Variants in PGS1 observed in about 807,000 individuals in gnomAD.
PGS1 encodes the protein phosphatidylglycerophosphate synthase 1, also known as CDP-diacylglycerol--glycerol-3-phosphate 3-phosphatidyltransferase, mitochondrial.
Under a neutral mutation model 58.3 loss-of-function variants are expected in PGS1, and 44 were observed. That is an observed-to-expected ratio of 0.75 (90% CI 0.59 to 0.97). The LOEUF is 0.97. Ranked by LOEUF, PGS1 falls within the 50% of genes least tolerant of loss-of-function variation. PGS1 has a pLI of 0.00. For missense variants in PGS1, 684 were observed against 731.1 expected (o/e 0.94, Z 0.74); for synonymous variants, 330 against 311.0 (o/e 1.06, Z -0.64).
At chr17:78,407,677 A>T (rs539371746) in intron 7 of PGS1, among the ~76,000 whole-genome samples, 1 of 152,258 alleles carries the variant, frequency 6.6e-6, no homozygotes, top group Non-Finnish European at 1.5e-5. Flanking sequence ...GGGCAGAGAC[A>T]GGTAGCCAGG....
At chr17:78,405,071 C>T (rs923894984) in intron 7 of PGS1, among the ~76,000 whole-genome samples, 2 of 152,062 alleles carry the variant, frequency 1.3e-5, no homozygotes, top group African/African-American at 4.8e-5. Flanking sequence ...GATCTCAGCT[C>T]ACTGCTACCT....
intron 9 of PGS1, chr17:78,423,797 G>A (rs1268695363): frequency 7.1e-7 from 1 of 1,409,356 alleles, no homozygotes; most frequent in African/African-American, 1.4e-5. Context: ...TTATTTAAGA[G>A]AACGAAAAAC....
In PGS1 at chr17:78,378,676, C is replaced by A. The variant is rs762920883; in HGVS notation, c.11C>A (p.Ala4Glu). The A allele has an allele frequency of 7.8e-6, 12 of 1,532,982 alleles. No homozygotes were observed. In the East Asian group the frequency reaches 3.1e-4, roughly 40 times the overall value. The allele number at this position is 1,532,982 out of a possible 1,614,324, so 95.0% of individuals were successfully genotyped here. A position where few individuals can be genotyped will look rare whatever the true frequency, so the allele number is the denominator to read the frequency against. ...AAGCGGCGAGTCTCCATGGCGGTGG[C>A]GGCGGCAGCTGCGGCGGGACCCGTG... MAV[A>E]AAAAAGPVFW... Residue 4 changes from alanine to glutamate, a missense_variant, in exon 1 of 10, where the codon GCG becomes GAG. By Grantham distance (107) the Ala-to-Glu change is moderately radical (BLOSUM62 -1). Transcript: ENST00000262764.
At position 78,393,720 on chromosome 17, in the gene PGS1, C is replaced by T. The variant is rs1408709977; in HGVS notation, c.333+1055C>T. On this transcript the variant is annotated intron_variant, in intron 2 of 9. Coordinates refer to ENST00000262764, the MANE Select transcript of PGS1 (RefSeq NM_024419.5). ...TGTCTTAAGTGTGTGCCTTTCCTCT[C>T]CTGGTAGTGATGTAAGTTTTGCATT... Among the ~76,000 whole-genome samples the T allele has an allele frequency of 2.0e-5, 3 of 152,114 alleles. No individual in the cohort carries two copies. The East Asian group carries it at 5.8e-4, about 29-fold the overall frequency.
rs10599132 is a variant in PGS1, at chr17:78,402,397, CATATATATATATAT to C, written c.881-1153_881-1140del. On this transcript the variant is annotated intron_variant, in intron 6 of 9. Transcript: ENST00000262764. ...CATTTTCATTCTAGTAATTTCTATT[CATATATATATATAT>C]ATATATATATATATATACACACACA... 5.2e-3 allele frequency among the ~76,000 whole-genome samples: 565 copies of C among 108,374 alleles called. 2 individuals are homozygous for C. Among genetic ancestry groups the C allele is most frequent in the African/African-American group, 0.017 (541 of 31,638 alleles). The allele number at this position is 108,374 out of a possible 152,430, so 71.1% of individuals were successfully genotyped here.
At chr17:78,412,372 C>T (rs765164146) in intron 7 of PGS1, among the ~76,000 whole-genome samples, 2 of 152,152 alleles carry the variant, frequency 1.3e-5, no homozygotes, top group South Asian at 4.1e-4. Context: ...TGAGCACTCA[C>T]CTGCTGAAAA....
At chr17:78,388,237 A>G (rs1441211353) in intron 1 of PGS1, among the ~76,000 whole-genome samples, 1 of 152,228 alleles carries the variant, frequency 6.6e-6, no homozygotes, top group Non-Finnish European at 1.5e-5. Context: ...GGATAACTCC[A>G]GGGGCTCTGG....
At chr17:78,409,836 C>T (rs575350993) in intron 7 of PGS1, among the ~76,000 whole-genome samples, 5 of 152,204 alleles carry the variant, frequency 3.3e-5, no homozygotes, top group Admixed American at 1.3e-4. Context: ...AAAGGCCTGG[C>T]GTGGTGGCTC....
intron 6 of PGS1, among the ~76,000 whole-genome samples, chr17:78,401,370 G>C (rs978888172): frequency 4.6e-5 from 7 of 152,236 alleles, no homozygotes; most frequent in Non-Finnish European, 1.0e-4. Flanking sequence ...CTGGGCCTGT[G>C]GCTCCCAGCT....
In PGS1 at chr17:78,395,156, C is replaced by T. The variant is rs556025368; in HGVS notation, c.334-1152C>T. On this transcript the variant is annotated intron_variant, in intron 2 of 9. Coordinates refer to ENST00000262764, the MANE Select transcript of PGS1 (RefSeq NM_024419.5). ...GAAGGGAGGACAGTGCTGGTTTCTG[C>T]CTGGTCCCCATGTCTTCATTATAGC... Among the ~76,000 whole-genome samples the T allele has an allele frequency of 1.8e-4, 27 of 152,336 alleles. No homozygotes were observed. The South Asian group carries it at 5.4e-3, about 30-fold the overall frequency.
intron 7 of PGS1, among the ~76,000 whole-genome samples, chr17:78,406,347 G>T (rs975153884): frequency 2.0e-5 from 3 of 152,146 alleles, no homozygotes; most frequent in African/African-American, 7.2e-5. Flanking sequence ...TGAAGCCCAG[G>T]TTCCCCTAGA....
At chr17:78,390,455 A>T (rs899673794) in intron 1 of PGS1, among the ~76,000 whole-genome samples, 1 of 152,130 alleles carries the variant, frequency 6.6e-6, no homozygotes, top group Admixed American at 6.5e-5. Flanking sequence ...GCAGTGACAG[A>T]CCGGTGGGCT....
chr17:78,393,187 C>T (rs2082957065), intron 2 of PGS1, among the ~76,000 whole-genome samples: 1 of 152,032 alleles, frequency 6.6e-6, no homozygotes, highest in Admixed American at 6.6e-5. Flanking sequence ...CAGCCTCCCG[C>T]ATAGCTGGGA....
intron 7 of PGS1, among the ~76,000 whole-genome samples, chr17:78,407,834 A>C (rs1223401390): frequency 6.6e-6 from 1 of 152,248 alleles, no homozygotes; most frequent in African/African-American, 2.4e-5. Context: ...AAGGAAGAGC[A>C]GCGTGGGGGG....
At chr17:78,384,006 T>G (rs1377415713) in intron 1 of PGS1, among the ~76,000 whole-genome samples, 1 of 152,238 alleles carries the variant, frequency 6.6e-6, no homozygotes, top group Non-Finnish European at 1.5e-5. Context: ...TCAGGCTGAC[T>G]GAAGCCCTTT....
At chr17:78,403,421 T>C in intron 6 of PGS1, 147 bp from the exon 7 acceptor site, 1 of 873,096 alleles carries the variant, frequency 1.1e-6, no homozygotes, top group Non-Finnish European at 1.8e-6. Flanking sequence ...GCTCTGGGCT[T>C]GGGGTCCTGG....
Position 78,378,673 on chromosome 17 carries a change from TGGCGGC to T in PGS1, c.12_17del (p.Ala8_Ala9del), listed in dbSNP as rs752415030. On this transcript the variant is annotated inframe_deletion, in exon 1 of 10. Transcript: ENST00000262764. The stretch of plus-strand genomic sequence containing the variant: ...CGGAAGCGGCGAGTCTCCATGGCGG[TGGCGGC>T]GGCAGCTGCGGCGGGACCCGTGTTC... The T allele has an allele frequency of 2.2e-4, 344 of 1,533,682 alleles. No individual in the cohort carries two copies. The highest frequency in any genetic ancestry group is 2.9e-4 in the Non-Finnish European group (338 of 1,147,930).
chr17:78,406,191 G>A (rs1733669371), intron 7 of PGS1, among the ~76,000 whole-genome samples: 1 of 152,094 alleles, frequency 6.6e-6, no homozygotes, highest in African/African-American at 2.4e-5. Context: ...GGTGGCGGGC[G>A]CCTGTAGTCC....
At chr17:78,408,448 G>A (rs566789134) in intron 7 of PGS1, among the ~76,000 whole-genome samples, 6 of 152,168 alleles carry the variant, frequency 3.9e-5, no homozygotes, top group Non-Finnish European at 8.8e-5. Context: ...AGGACACGGG[G>A]AACAGGGCTG....
Sources: gnomAD v4.1 joint callset for allele counts (sites outside exome capture counted in the v4.1 genomes callset) on GRCh38, gnomAD v4.1.1 for gene constraint, MANE v1.5 for transcripts, NCBI Gene and HGNC (gene_info 2026-07-23, HGNC 2026-07-21) for gene names.